The following INTS15 variants were observed in gnomAD, a reference collection of about 807,000 sequenced individuals.
INTS15 encodes uncharacterized protein C7orf26.
chr7:6,594,989 A>T, the INTS15 span, among the ~76,000 whole-genome samples: 16 of 152,010 alleles, frequency 1.1e-4, no homozygotes, highest in African/African-American at 3.9e-4. Context: ...CGGCCTCCCA[A>T]ACTGCTAGGA....
chr7:6,594,427 C>A, the INTS15 span: 1,659 of 1,613,994 alleles, frequency 1.0e-3, 17 homozygotes, highest in African/African-American at 0.018. Flanking sequence ...TGTGTGGCTT[C>A]TTTCCAGCGG....
At chr7:6,593,494 C>T in the INTS15 span, among the ~76,000 whole-genome samples, 3 of 151,662 alleles carry the variant, frequency 2.0e-5, no homozygotes, top group South Asian at 2.1e-4. Flanking sequence ...TCAGTGGTGC[C>T]GGCCAATTTT....
chr7:6,607,222 T>A, the INTS15 span, among the ~76,000 whole-genome samples: 1 of 152,036 alleles, frequency 6.6e-6, no homozygotes, highest in Non-Finnish European at 1.5e-5. The surrounding 1 kb of genome is among the most constrained non-coding windows in gnomAD (Gnocchi z 6.0). Context: ...AAAGCCACGT[T>A]GAATTTGCTG....
chr7:6,608,129 G>A, the INTS15 span: 46 of 1,290,812 alleles, frequency 3.6e-5, no homozygotes, highest in Non-Finnish European at 3.9e-5. Flanking sequence ...CTTCATCTCC[G>A]GCGTGACCTT....
chr7:6,594,690 G>T, the INTS15 span: 1 of 1,230,588 alleles, frequency 8.1e-7, no homozygotes, highest in South Asian at 1.4e-5. Context: ...AGTGTCCAGT[G>T]AATGCTTTGG....
chr7:6,594,375 G>A, the INTS15 span: 1 of 1,573,338 alleles, frequency 6.4e-7, no homozygotes, highest in Non-Finnish European at 8.7e-7. Context: ...TGTGTGCATA[G>A]TTGCTGGTCT....
the INTS15 span, among the ~76,000 whole-genome samples, chr7:6,601,496 A>G: frequency 3.3e-5 from 5 of 151,996 alleles, no homozygotes; most frequent in South Asian, 2.1e-4. Context: ...GGGTTTCACC[A>G]TGTCGGCCAG....
the INTS15 span, among the ~76,000 whole-genome samples, chr7:6,597,059 G>A: frequency 6.6e-6 from 1 of 152,184 alleles, no homozygotes; most frequent in East Asian, 1.9e-4. Context: ...CATTACAGGC[G>A]TGAGCCACTG....
the INTS15 span, among the ~76,000 whole-genome samples, chr7:6,596,376 C>CTTTTTTTTT: frequency 1.9e-5 from 2 of 107,894 alleles, no homozygotes; most frequent in South Asian, 5.7e-4. Flanking sequence ...ATCTGTCACC[C>CTTTTTTTTT]TTTTTTTTTT....
the INTS15 span, chr7:6,599,791 G>T: frequency 6.3e-7 from 1 of 1,594,436 alleles, no homozygotes; most frequent in Non-Finnish European, 8.6e-7. Context: ...TGTCCTCGAG[G>T]CCAAGAGTGC....
chr7:6,602,708 T>C, the INTS15 span: 6 of 471,042 alleles, frequency 1.3e-5, no homozygotes, highest in South Asian at 7.7e-5. Flanking sequence ...GAATTTCTCA[T>C]CCTACTCCTT....
the INTS15 span, among the ~76,000 whole-genome samples, chr7:6,597,680 A>G: frequency 1.3e-5 from 2 of 152,190 alleles, no homozygotes; most frequent in Non-Finnish European, 2.9e-5. Context: ...CATATGGAAC[A>G]GGAAAGAATA....
chr7:6,600,222 T>C, the INTS15 span: 1 of 1,614,186 alleles, frequency 6.2e-7, no homozygotes. Context: ...ATGGTCCCGC[T>C]GGTAGAGGAG....
At chr7:6,607,077 G>C in the INTS15 span, among the ~76,000 whole-genome samples, 1 of 151,980 alleles carries the variant, frequency 6.6e-6, no homozygotes, top group Non-Finnish European at 1.5e-5. This position sits in a 1 kb window ranked among gnomAD's most constrained non-coding sequence, Gnocchi z 6.0. Context: ...CCCTCGCCTC[G>C]GCTGGGGGAG....
the INTS15 span, among the ~76,000 whole-genome samples, chr7:6,598,100 G>C: frequency 2.0e-5 from 3 of 152,154 alleles, no homozygotes; most frequent in Non-Finnish European, 1.5e-5. Context: ...GCTCAGATCT[G>C]AGGGGGCGGG....
chr7:6,605,710 C>CTT, the INTS15 span, among the ~76,000 whole-genome samples: 2 of 151,862 alleles, frequency 1.3e-5, no homozygotes, highest in African/African-American at 4.8e-5. Flanking sequence ...CTTTTCTTTT[C>CTT]TTTTTTGAGA....
the INTS15 span, chr7:6,602,344 A>C: frequency 2.9e-5 from 16 of 546,166 alleles, no homozygotes; most frequent in East Asian, 5.0e-4. Context: ...GTAGTCTGTG[A>C]GAGAGGCCAG....
the INTS15 span, chr7:6,607,752 C>G: frequency 1.3e-6 from 2 of 1,489,760 alleles, no homozygotes; most frequent in South Asian, 1.3e-5. The surrounding 1 kb of genome is among the most constrained non-coding windows in gnomAD (Gnocchi z 6.0). Flanking sequence ...CCACAGGCCC[C>G]GTGCAGAGCC....
At chr7:6,598,298 C>G in the INTS15 span, among the ~76,000 whole-genome samples, 1 of 152,038 alleles carries the variant, frequency 6.6e-6, no homozygotes, top group Non-Finnish European at 1.5e-5. Flanking sequence ...GGCGAAACCC[C>G]ATCTCTACTA....
Sources: allele counts gnomAD v4.1 joint callset (sites outside exome capture counted in the v4.1 genomes callset), GRCh38; gene constraint gnomAD v4.1.1; non-coding constraint Gnocchi (gnomAD v3.1); transcripts MANE v1.5; gene names NCBI Gene and HGNC (gene_info 2026-07-23, HGNC 2026-07-21).